ITGAM: variants seen among roughly 807,000 people sequenced by gnomAD.
ITGAM encodes integrin subunit alpha M, also known as integrin alpha-M.
A neutral mutation model predicts 137.5 loss-of-function variants in ITGAM; 79 were observed. The observed-to-expected ratio is 0.57, with a 90% CI of 0.48 to 0.69. The LOEUF is 0.69. Ranked by LOEUF, ITGAM falls within the 30% of genes least tolerant of loss-of-function variation. The pLI is 0.00. For missense variants in ITGAM, 1,343 were observed against 1,483.5 expected (o/e 0.91, Z 1.56); for synonymous variants, 583 against 592.3 (o/e 0.98, Z 0.23).
At chr16:31,294,194 T>A (rs1475185989) in intron 12 of ITGAM, among the ~76,000 whole-genome samples, 1 of 152,142 alleles carries the variant, frequency 6.6e-6, no homozygotes, top group African/African-American at 2.4e-5. Flanking sequence ...ATAGTTTGAC[T>A]TTTTTACTTC....
chr16:31,315,909 T>C (rs1339055818), intron 14 of ITGAM, among the ~76,000 whole-genome samples: 1 of 151,634 alleles, frequency 6.6e-6, no homozygotes, highest in Non-Finnish European at 1.5e-5. Context: ...ATTAGTTGAT[T>C]GTTGGCCGGG....
Position 31,331,903 on chromosome 16 carries a change from G to A in ITGAM, c.*196G>A, listed in dbSNP as rs2080590947. 1 of 571,230 alleles carries A rather than the reference G, an allele frequency of 1.8e-6. No individual in the cohort carries two copies. Among genetic ancestry groups the A allele is most frequent in the African/African-American group, 1.9e-5 (1 of 52,406 alleles). The allele number at this position is 571,230 out of a possible 1,614,324, so 35.4% of individuals were successfully genotyped here. On this transcript the variant is annotated 3_prime_UTR_variant, in exon 30 of 30. Coordinates refer to ENST00000544665, the MANE Select transcript of ITGAM (RefSeq NM_000632.4). ...TGTGCAAGTGTGTGCACATGTGTGC[G>A]TGTGCGTGCATGTGCACTTGCACGC...
rs1345721972 is a variant in ITGAM at position 31,330,590 on chromosome 16, G to A, written c.3261G>A (p.Ala1087=). 4 of 1,609,302 alleles carry A rather than the reference G, an allele frequency of 2.5e-6. No individual in the cohort carries two copies. Among genetic ancestry groups the A allele is most frequent in the Non-Finnish European group, 3.4e-6 (4 of 1,177,204 alleles). The change falls in exon 28 of 30, where the codon GCG becomes GCA. Residue 1087 remains alanine (A), a synonymous_variant. Transcript: ENST00000544665. The part of the protein sequence containing the change: ...SVFTLLPGQG[A]FVRSQTETKV... ...TCACCCTGCTGCCGGGACAGGGGGC[G>A]TTTGTGAGGTCCCAGGTACCTGTCT...
chr16:31,296,917 A>G (rs1337769159), intron 12 of ITGAM, among the ~76,000 whole-genome samples: 3 of 152,206 alleles, frequency 2.0e-5, no homozygotes, highest in Admixed American at 6.5e-5. Flanking sequence ...ACAAATAGTT[A>G]TTTTTAATCT....
At chr16:31,261,193 GCTAT>G (rs1567243305) in intron 1 of ITGAM, among the ~76,000 whole-genome samples, 1 of 147,238 alleles carries the variant, frequency 6.8e-6, no homozygotes, top group Non-Finnish European at 1.5e-5. Flanking sequence ...AAGACATGCT[GCTAT>G]CTTTTTTTTT....
At chr16:31,312,290 A>G (rs556237008) in intron 14 of ITGAM, among the ~76,000 whole-genome samples, 18 of 152,330 alleles carry the variant, frequency 1.2e-4, no homozygotes, top group African/African-American at 4.1e-4. Flanking sequence ...TATTATAATA[A>G]TAAAAAAGAA....
At chr16:31,298,662 C>A (rs1489396551) in intron 14 of ITGAM, among the ~76,000 whole-genome samples, 1 of 152,208 alleles carries the variant, frequency 6.6e-6, no homozygotes, top group Non-Finnish European at 1.5e-5. Context: ...TCCTGGGAAA[C>A]CTATGCGGTT....
chr16:31,277,062 G>A lies in ITGAM; in HGVS notation c.1213+13G>A, dbSNP rs1409592835. On this transcript the variant is annotated intron_variant, in intron 11 of 29. Coordinates refer to ENST00000544665, the MANE Select transcript of ITGAM (RefSeq NM_000632.4). ...GATGCTTACTTGGGTAAGTGGGGAG[G>A]GCAAGGGTTACTCTAAGAAGGGGTG... 6.2e-7 allele frequency: 1 copy of A among 1,603,902 alleles called. No homozygotes were observed. The highest frequency in any genetic ancestry group is 8.5e-7 in the Non-Finnish European group (1 of 1,174,546).
At chr16:31,330,278 A>ACCCGT in intron 26 of ITGAM, 30 bp from the exon 27 acceptor site, 2 of 1,597,562 alleles carry the variant, frequency 1.3e-6, no homozygotes, top group Non-Finnish European at 1.7e-6. Context: ...CGGCTTCCTT[A>ACCCGT]CCCGTCCCCT....
chr16:31,328,203 A>C lies in ITGAM; in HGVS notation c.2765A>C (p.Lys922Thr). 1 of 1,613,964 alleles carries C rather than the reference A, an allele frequency of 6.2e-7. No homozygotes were observed. Among genetic ancestry groups the C allele is most frequent in the Non-Finnish European group, 8.5e-7 (1 of 1,179,874 alleles). The change falls in exon 23 of 30, where the codon AAA becomes ACA. Residue 922 changes from lysine to threonine, a missense_variant. By Grantham distance (78) the Lys-to-Thr change is moderately conservative. Coordinates refer to ENST00000544665, the MANE Select transcript of ITGAM (RefSeq NM_000632.4). ...KTEFQLELPV[K>T]YAVYMVVTSH... ...GAATTCCAACTGGAGCTGCCGGTGA[A>C]ATATGCTGTCTACATGGTGGTCACC...
intron 14 of ITGAM, among the ~76,000 whole-genome samples, chr16:31,303,059 G>T (rs923561373): frequency 1.8e-4 from 26 of 142,988 alleles, no homozygotes; most frequent in African/African-American, 6.5e-4. Flanking sequence ...TTTGAGACAA[G>T]GTCTCCCTCT....
At position 31,324,922 on chromosome 16, in the gene ITGAM, C is replaced by T. The variant is rs2080490776; in HGVS notation, c.2290-36C>T. On this transcript the variant is annotated intron_variant, in intron 18 of 29. Coordinates refer to ENST00000544665, the MANE Select transcript of ITGAM (RefSeq NM_000632.4). This position sits in a 1 kb window ranked among gnomAD's most constrained non-coding sequence, Gnocchi z 4.5. ...TAATTTCACAATACTTGGTTATTTT[C>T]TTTCCTTTCATTTGATCATATTTAT... The T allele has an allele frequency of 3.2e-6, 4 of 1,261,892 alleles. No homozygotes were observed. Among genetic ancestry groups the T allele is most frequent in the Admixed American group, 4.0e-5 (2 of 49,832 alleles). 78.2% of individuals were successfully genotyped at this position (1,261,892 alleles called of 1,614,324 possible). A position where few individuals can be genotyped will look rare whatever the true frequency, so the allele number is the denominator to read the frequency against.
At chr16:31,292,638 C>A (rs1663559159) in intron 12 of ITGAM, among the ~76,000 whole-genome samples, 1 of 152,000 alleles carries the variant, frequency 6.6e-6, no homozygotes, top group South Asian at 2.1e-4. Context: ...TGTATATGTA[C>A]CACATTTTAA....
chr16:31,263,801 A>AAATT (rs2079732084), intron 2 of ITGAM, among the ~76,000 whole-genome samples: 3 of 138,922 alleles, frequency 2.2e-5, no homozygotes, highest in African/African-American at 8.0e-5. Flanking sequence ...TCACATACAA[A>AAATT]AATTTATTTA....
chr16:31,325,691 C>T, intron 21 of ITGAM, 69 bp downstream of exon 21: 1 of 1,554,950 alleles, frequency 6.4e-7, no homozygotes, highest in Non-Finnish European at 8.7e-7. Flanking sequence ...TTCTTCTTCT[C>T]TTCTTTAGTA....
chr16:31,283,144 C>G (rs1395271132), intron 12 of ITGAM, among the ~76,000 whole-genome samples: 1 of 152,116 alleles, frequency 6.6e-6, no homozygotes, highest in Non-Finnish European at 1.5e-5. Context: ...CTCTGGCTGC[C>G]CTTAACATTT....
At chr16:31,263,424 C>T (rs2079727603) in intron 2 of ITGAM, among the ~76,000 whole-genome samples, 1 of 152,142 alleles carries the variant, frequency 6.6e-6, no homozygotes, top group African/African-American at 2.4e-5. Flanking sequence ...TAGATTTTTC[C>T]AGATCCCCCT....
chr16:31,289,751 A>G (rs2080067091), intron 12 of ITGAM, among the ~76,000 whole-genome samples: 2 of 152,348 alleles, frequency 1.3e-5, no homozygotes, highest in African/African-American at 4.8e-5. Flanking sequence ...AACTTAAAGT[A>G]TAATAAAAAA....
At chr16:31,276,767 G>A (rs2079910789) in intron 10 of ITGAM, 23 bp downstream of exon 10, 4 of 1,599,100 alleles carry the variant, frequency 2.5e-6, no homozygotes, top group Non-Finnish European at 3.4e-6. Context: ...TCATTAAATT[G>A]CGGGGGTGGG....
Sources: gnomAD v4.1 joint callset for allele counts (sites outside exome capture counted in the v4.1 genomes callset) on GRCh38, gnomAD v4.1.1 for gene constraint, Gnocchi (gnomAD v3.1) non-coding constraint, MANE v1.5 for transcripts, NCBI Gene and HGNC (gene_info 2026-07-23, HGNC 2026-07-21) for gene names.